The following BTG4 variants were observed in gnomAD, a reference collection of about 807,000 sequenced individuals.
The protein encoded by BTG4 is BTG anti-proliferation factor 4, also known as protein BTG4.
BTG4 carries 10 observed loss-of-function variants against 19.3 expected under a neutral mutation model. That is an observed-to-expected ratio of 0.52 (90% CI 0.32 to 0.88). The LOEUF is 0.88. Among genes scored for constraint, BTG4 ranks in the 40% least tolerant of loss-of-function variants. The pLI is 0.04. For synonymous variants in BTG4, 91 were observed against 95.7 expected, an observed-to-expected ratio of 0.95 and a Z score of 0.29; for missense variants, 238 against 281.9, an observed-to-expected ratio of 0.84 and a Z score of 1.11.
intron 5 of BTG4, among the ~76,000 whole-genome samples, chr11:111,477,406 A>G (rs921281575): frequency 1.3e-5 from 2 of 152,188 alleles, no homozygotes; most frequent in African/African-American, 4.8e-5. Flanking sequence ...TGTAGAAGCC[A>G]TATTTACCAA....
the BTG4 span, among the ~76,000 whole-genome samples, chr11:111,404,960 C>T: frequency 6.6e-6 from 1 of 152,214 alleles, no homozygotes; most frequent in East Asian, 1.9e-4. Context: ...TTTGTAGATA[C>T]AGACCATAAT....
chr11:111,435,260 C>G, the BTG4 span, among the ~76,000 whole-genome samples: 1 of 152,190 alleles, frequency 6.6e-6, no homozygotes, highest in South Asian at 2.1e-4. Context: ...AAGCCACAAG[C>G]CCTGCCCCAC....
intron 5 of BTG4, chr11:111,475,414 A>G (rs1295239415): frequency 6.6e-6 from 1 of 152,168 alleles, no homozygotes; most frequent in Non-Finnish European, 1.5e-5. Context: ...TGTATATGTC[A>G]TTATTCAATC....
chr11:111,491,455 T>C (rs1865410834), downstream of BTG4, among the ~76,000 whole-genome samples: 1 of 152,184 alleles, frequency 6.6e-6, no homozygotes, highest in South Asian at 2.1e-4. Flanking sequence ...AAAATTTTTT[T>C]AAAAAGAGAA....
chr11:111,502,095 T>G (rs906025220), intron 1 of BTG4, among the ~76,000 whole-genome samples: 8 of 152,136 alleles, frequency 5.3e-5, no homozygotes, highest in Non-Finnish European at 8.8e-5. Context: ...CCTGAAGATC[T>G]TTTAAAAATA....
At position 111,512,367 on chromosome 11, in the gene BTG4, C is replaced by G. The variant is rs1452353278; in HGVS notation, c.-213G>C. ...GAGGCCCTTCAGGGACCGCCCACAG[C>G]GCTTTCTCTCAGCCTCCTCCCCCCC... On this transcript the variant is annotated 5_prime_UTR_variant, in exon 1 of 5. Coordinates refer to ENST00000692032, the MANE Select transcript of BTG4 (RefSeq NM_001367975.1). The G allele has an allele frequency of 6.6e-6, 1 of 152,260 alleles. No individual in the cohort carries two copies. Among genetic ancestry groups the G allele is most frequent in the African/African-American group, 2.4e-5 (1 of 41,450 alleles). The allele number at this position is 152,260 out of a possible 1,614,324, so 9.4% of individuals were successfully genotyped here.
At chr11:111,479,472 T>C (rs527300857) in intron 5 of BTG4, among the ~76,000 whole-genome samples, 1 of 151,988 alleles carries the variant, frequency 6.6e-6, no homozygotes, top group South Asian at 2.1e-4. Flanking sequence ...TAAGAATATA[T>C]CAAGCATAAC....
intron 3 of BTG4, among the ~76,000 whole-genome samples, chr11:111,497,771 T>A (rs1328592161): frequency 6.6e-6 from 1 of 152,198 alleles, no homozygotes; most frequent in Non-Finnish European, 1.5e-5. Flanking sequence ...GTGCAGTGAT[T>A]AAAGCCACAT....
Position 111,486,695 on chromosome 11 carries a change from T to C in BTG4, c.662+8468A>G, listed in dbSNP as rs559750019. The stretch of plus-strand genomic sequence containing the variant: ...ATTAAAAAAGTATTCATCATGATCA[T>C]GATCATGTGGGATTCATCCCAGGGA... On this transcript the variant is annotated intron_variant, in intron 5 of 5. Transcript: ENST00000356018. 2.6e-5 allele frequency among the ~76,000 whole-genome samples: 4 copies of C among 152,304 alleles called. No individual in the cohort carries two copies. In the East Asian group the frequency reaches 7.7e-4, roughly 29 times the overall value.
At chr11:111,408,134 C>T in the BTG4 span, among the ~76,000 whole-genome samples, 22 of 152,258 alleles carry the variant, frequency 1.4e-4, no homozygotes, top group Non-Finnish European at 2.6e-4. Flanking sequence ...AAGCCCATGT[C>T]ATAGATGCAA....
the BTG4 span, among the ~76,000 whole-genome samples, chr11:111,413,004 G>A: frequency 1.3e-5 from 2 of 152,176 alleles, no homozygotes; most frequent in East Asian, 1.9e-4. Flanking sequence ...CGGGTGGTCG[G>A]TGTGAGCAAT....
chr11:111,509,032 C>A (rs2089295825), intron 1 of BTG4, among the ~76,000 whole-genome samples: 1 of 151,926 alleles, frequency 6.6e-6, no homozygotes, highest in Non-Finnish European at 1.5e-5. Context: ...TTATGATTTA[C>A]CTGAAAGATA....
upstream of BTG4, chr11:111,512,907 A>T: frequency 2.3e-6 from 1 of 433,822 alleles, no homozygotes; most frequent in Non-Finnish European, 4.7e-6. Flanking sequence ...GGCGCTGCGG[A>T]CCGTCCGGGA....
In BTG4 at chr11:111,483,148, C is replaced by T. The variant is rs1306971617; in HGVS notation, c.662+12015G>A. ...TTCCTCAAGGAGCCAGCAGAAATTGCAGCATTCCTGTGCTTAGGGTACACC... is the reference window on the plus strand; with the variant it reads ...TTCCTCAAGGAGCCAGCAGAAATTGTAGCATTCCTGTGCTTAGGGTACACC... On this transcript the variant is annotated intron_variant, in intron 5 of 5. Coordinates refer to the BTG4 transcript ENST00000356018. 5.9e-5 allele frequency among the ~76,000 whole-genome samples: 9 copies of T among 152,276 alleles called. No individual in the cohort carries two copies. The East Asian group carries it at 1.5e-3, about 26-fold the overall frequency.
upstream of BTG4, chr11:111,514,664 T>A: frequency 1.4e-6 from 1 of 735,054 alleles, no homozygotes; most frequent in Non-Finnish European, 2.2e-6. Flanking sequence ...TCCCAACACC[T>A]ACCTAGGAAA....
At chr11:111,392,832 T>C in the BTG4 span, among the ~76,000 whole-genome samples, 1 of 152,156 alleles carries the variant, frequency 6.6e-6, no homozygotes, top group Non-Finnish European at 1.5e-5. Context: ...GCCACCAACC[T>C]TGTCTCCTCT....
At chr11:111,425,729 A>C in the BTG4 span, among the ~76,000 whole-genome samples, 1 of 152,188 alleles carries the variant, frequency 6.6e-6, no homozygotes, top group African/African-American at 2.4e-5. Flanking sequence ...AAGGGCAAGA[A>C]AAGCATCGAA....
At chr11:111,415,735 C>T in the BTG4 span, among the ~76,000 whole-genome samples, 1 of 152,134 alleles carries the variant, frequency 6.6e-6, no homozygotes, top group Non-Finnish European at 1.5e-5. Context: ...GAGCCAGAGA[C>T]CCACAGTTTA....
the BTG4 span, among the ~76,000 whole-genome samples, chr11:111,440,375 G>A: frequency 1.1e-3 from 170 of 152,350 alleles, no homozygotes; most frequent in African/African-American, 3.9e-3. Context: ...ACCAGCTAAA[G>A]AGGTCTTTTC....
Sources: gnomAD v4.1 joint callset for allele counts (sites outside exome capture counted in the v4.1 genomes callset) on GRCh38, gnomAD v4.1.1 for gene constraint, MANE v1.5 for transcripts, NCBI Gene and HGNC (gene_info 2026-07-23, HGNC 2026-07-21) for gene names.